HDGFL2: variants seen among roughly 807,000 people sequenced by gnomAD.
HDGFL2 encodes hepatoma-derived growth factor-related protein 2.
In HDGFL2, 36 loss-of-function variants were observed where a neutral mutation model predicts 77.1. That is an observed-to-expected ratio of 0.47 (90% CI 0.36 to 0.62). The LOEUF (loss-of-function observed/expected upper bound fraction) is 0.62. HDGFL2 is among the 20% of genes least tolerant of loss of function. The pLI is 0.00. For missense variants in HDGFL2, 976 were observed against 973.4 expected, an observed-to-expected ratio of 1.00 and a Z score of -0.04; for synonymous variants, 463 against 413.1, an observed-to-expected ratio of 1.12 and a Z score of -1.46.
intron 10 of HDGFL2, chr19:4,497,503 C>A: frequency 3.3e-6 from 1 of 304,168 alleles, no homozygotes; most frequent in Non-Finnish European, 6.4e-6. Flanking sequence ...GGTCCCCCAG[C>A]CCACTTTCTA....
chr19:4,499,640 G>C lies in HDGFL2; in HGVS notation c.1725G>C (p.Leu575=). 6.3e-7 allele frequency: 1 copy of C among 1,586,808 alleles called. No individual in the cohort carries two copies. The highest frequency in any genetic ancestry group is 1.1e-5 in the South Asian group (1 of 88,102). Residue 575 remains leucine (L), a synonymous_variant, in exon 14 of 16, where the codon CTG becomes CTC. Transcript: ENST00000616600. ...GMEKEKAEEK[L]AGEELAGEEA... is the part of the protein sequence containing the mutation. ...AGAAGGAGAAGGCCGAGGAGAAGCTGGCCGGGGAGGAGCTGGCCGGGGAGG... is the reference window on the plus strand; with the variant it reads ...AGAAGGAGAAGGCCGAGGAGAAGCTCGCCGGGGAGGAGCTGGCCGGGGAGG...
intron 3 of HDGFL2, 41 bp from the exon 4 acceptor site, chr19:4,488,635 C>T (rs10422594): frequency 0.19 from 286,502 of 1,512,884 alleles, 28,216 homozygotes; most frequent in South Asian, 0.23. Flanking sequence ...AATCCACCCA[C>T]GACTGGTGGT....
intron 3 of HDGFL2, among the ~76,000 whole-genome samples, chr19:4,477,369 G>A (rs1235522411): frequency 2.0e-5 from 3 of 152,166 alleles, no homozygotes; most frequent in Non-Finnish European, 2.9e-5. Context: ...GGGGGCCGGG[G>A]CCCACCGATG....
At position 4,499,594 on chromosome 19, in the gene HDGFL2, A is replaced by G; in HGVS notation, c.1679A>G (p.Lys560Arg). 6.2e-7 allele frequency: 1 copy of G among 1,611,058 alleles called. No homozygotes were observed. The highest frequency in any genetic ancestry group is 1.7e-5 in the Admixed American group (1 of 59,486). Residue 560 changes from lysine (K) to arginine (R), a missense_variant, in exon 14 of 16, where the codon AAA becomes AGA. Physicochemically the swap from Lys to Arg is conservative, Grantham distance 26. Transcript: ENST00000616600. The part of the protein sequence containing the change: ...VLGPKIEAVQ[K>R]VNKAGMEKEK... The stretch of plus-strand genomic sequence containing the variant: ...GGCCCAAAGATCGAGGCGGTGCAGA[A>G]AGTGAACAAGGCTGGGATGGAGAAG...
intron 3 of HDGFL2, among the ~76,000 whole-genome samples, 181 bp downstream of exon 3, chr19:4,475,764 G>T (rs951915001): frequency 1.1e-4 from 16 of 152,096 alleles, no homozygotes; most frequent in Non-Finnish European, 1.9e-4. Context: ...TCAGTGCCAA[G>T]GCCACCCCCA....
At position 4,494,365 on chromosome 19, in the gene HDGFL2, G is replaced by A. The variant is rs1446438208; in HGVS notation, c.1114G>A (p.Asp372Asn). Residue 372 changes from aspartate (D) to asparagine (N), a missense_variant, in exon 9 of 16, where the codon GAC (aspartate) becomes AAC (asparagine). By Grantham distance (23) the Asp-to-Asn change is conservative (BLOSUM62 1). Coordinates refer to ENST00000616600, the MANE Select transcript of HDGFL2 (RefSeq NM_001001520.3). ...AERGSGGSSGDELREDDEPVK... is the reference protein window; with the variant it reads ...AERGSGGSSGNELREDDEPVK... ...GCGGGGCAGCGGCGGCAGCAGCGGGGACGAGCTCAGGGAGGACGATGAGCC... is the reference window on the plus strand; with the variant it reads ...GCGGGGCAGCGGCGGCAGCAGCGGGAACGAGCTCAGGGAGGACGATGAGCC... 15 of 1,406,352 alleles carry A rather than the reference G, an allele frequency of 1.1e-5. No homozygotes were observed. The South Asian group carries it at 1.8e-4, about 16-fold the overall frequency. The allele number at this position is 1,406,352 out of a possible 1,614,324, so 87.1% of individuals were successfully genotyped here.
intron 4 of HDGFL2, among the ~76,000 whole-genome samples, chr19:4,490,660 A>G (rs949665958): frequency 2.0e-5 from 3 of 152,252 alleles, no homozygotes; most frequent in African/African-American, 7.2e-5. Flanking sequence ...AGTCACGTGT[A>G]CTTTGTATTA....
intron 1 of HDGFL2, among the ~76,000 whole-genome samples, chr19:4,473,480 A>G (rs2145144940): frequency 6.6e-6 from 1 of 151,870 alleles, no homozygotes; most frequent in Non-Finnish European, 1.5e-5. Flanking sequence ...CTGAGGGCTC[A>G]AGGTTCAAGT....
At chr19:4,492,508 ATGTGTC>A (rs1975543346) in intron 6 of HDGFL2, among the ~76,000 whole-genome samples, 1 of 150,872 alleles carries the variant, frequency 6.6e-6, no homozygotes, top group African/African-American at 2.4e-5. Context: ...TCATGTATCT[ATGTGTC>A]TGTGTTTGTG....
In HDGFL2 at chr19:4,486,737, C is replaced by T. The variant is rs961320275; in HGVS notation, c.289-1939C>T. Among the ~76,000 whole-genome samples, 4 of 152,172 alleles carry T rather than the reference C, an allele frequency of 2.6e-5. No individual in the cohort carries two copies. The East Asian group carries it at 5.8e-4, about 22-fold the overall frequency. On this transcript the variant is annotated intron_variant, in intron 3 of 15. Coordinates refer to ENST00000616600, the MANE Select transcript of HDGFL2 (RefSeq NM_001001520.3). ...TCCTCCCACAAGCATGAGCCACCCA[C>T]GGCCTAACTCTTCATCCTCCTCTTC...
chr19:4,499,580 C>A lies in HDGFL2; in HGVS notation c.1665C>A (p.Ile555=). ...AGTCGCGGGTCCTCGGCCCAAAGATCGAGGCGGTGCAGAAAGTGAACAAGG... is the reference window on the plus strand; with the variant it reads ...AGTCGCGGGTCCTCGGCCCAAAGATAGAGGCGGTGCAGAAAGTGAACAAGG... The part of the protein sequence containing the change: ...RLKSRVLGPK[I]EAVQKVNKAG... The change falls in exon 14 of 16, where the codon ATC becomes ATA. Residue 555 remains isoleucine, a synonymous_variant. Coordinates refer to ENST00000616600, the MANE Select transcript of HDGFL2 (RefSeq NM_001001520.3). 4 of 1,612,436 alleles carry A rather than the reference C, an allele frequency of 2.5e-6. No individual in the cohort carries two copies. The South Asian group carries it at 4.4e-5, about 18-fold the overall frequency.
chr19:4,475,793 C>A (rs983616143), intron 3 of HDGFL2, among the ~76,000 whole-genome samples: 5 of 152,130 alleles, frequency 3.3e-5, no homozygotes, highest in Admixed American at 6.6e-5. Flanking sequence ...ATGGTGATGA[C>A]AGATGTCCCC....
At chr19:4,480,004 C>T (rs549581667) in intron 3 of HDGFL2, among the ~76,000 whole-genome samples, 205 of 129,990 alleles carry the variant, frequency 1.6e-3, no homozygotes, top group Non-Finnish European at 3.0e-3. Context: ...GCATCAGTAC[C>T]TTATAAGAGA....
At chr19:4,496,956 C>T (rs371753629) in intron 10 of HDGFL2, 13 of 388,414 alleles carry the variant, frequency 3.3e-5, no homozygotes, top group African/African-American at 2.5e-4. Context: ...TCACTGCAAC[C>T]TCCGCCTCCC....
At chr19:4,485,969 C>A (rs186331569) in intron 3 of HDGFL2, among the ~76,000 whole-genome samples, 1 of 149,764 alleles carries the variant, frequency 6.7e-6, no homozygotes, top group East Asian at 2.0e-4. Flanking sequence ...GGGAGGATCA[C>A]CTGAGCCCAG....
intron 1 of HDGFL2, among the ~76,000 whole-genome samples, chr19:4,474,642 C>T (rs542499643): frequency 5.3e-5 from 8 of 152,228 alleles, no homozygotes; most frequent in Admixed American, 3.3e-4. Context: ...AGGCACTTCC[C>T]TCCCTTTCCC....
At chr19:4,491,138 C>A (rs1194491728) in intron 4 of HDGFL2, among the ~76,000 whole-genome samples, 1 of 151,848 alleles carries the variant, frequency 6.6e-6, no homozygotes, top group Admixed American at 6.6e-5. Context: ...GTGCCCCGTT[C>A]AGCAGCATTA....
At chr19:4,485,603 G>T (rs1358473437) in intron 3 of HDGFL2, among the ~76,000 whole-genome samples, 1 of 151,912 alleles carries the variant, frequency 6.6e-6, no homozygotes, top group African/African-American at 2.4e-5. Flanking sequence ...TTAGCCAGGC[G>T]TGGTGGCGGG....
intron 3 of HDGFL2, among the ~76,000 whole-genome samples, chr19:4,475,972 C>T (rs1290287015): frequency 1.3e-5 from 2 of 151,380 alleles, no homozygotes; most frequent in Non-Finnish European, 2.9e-5. Context: ...TCACTGCAAG[C>T]TCCGCCTCCT....
Sources: allele counts gnomAD v4.1 joint callset (sites outside exome capture counted in the v4.1 genomes callset), GRCh38; gene constraint gnomAD v4.1.1; transcripts MANE v1.5; gene names NCBI Gene and HGNC (gene_info 2026-07-23, HGNC 2026-07-21).